DGUOK: variants seen among roughly 807,000 people sequenced by gnomAD.
DGUOK encodes the protein deoxyguanosine kinase, mitochondrial.
In DGUOK, 30 loss-of-function variants were observed where a neutral mutation model predicts 36.6. That is an observed-to-expected ratio of 0.82 (90% confidence interval 0.61 to 1.11). DGUOK has a LOEUF of 1.11. DGUOK is among the 50% of genes most tolerant of loss of function. DGUOK has a pLI of 0.00. For synonymous variants in DGUOK, 145 were observed against 126.3 expected (o/e 1.15, Z -0.99); for missense variants, 361 against 336.4 (o/e 1.07, Z -0.57).
rs866403196 is a variant in DGUOK at position 73,957,238 on chromosome 2, G to C, written c.705G>C (p.Thr235=). 6.2e-7 allele frequency: 1 copy of C among 1,612,092 alleles called. No individual in the cohort carries two copies. Among genetic ancestry groups the C allele is most frequent in the South Asian group, 1.1e-5 (1 of 90,990 alleles). Residue 235 remains threonine, a splice_region_variant and synonymous_variant, in exon 5 of 7, where the codon ACG becomes ACC. Coordinates refer to ENST00000264093, the MANE Select transcript of DGUOK (RefSeq NM_080916.3). ...QHEAWLIHKT[T]KLHFEALMNI... is the part of the protein sequence containing the mutation. ...AAGCCTGGCTTATTCACAAGACAAC[G>C]AAGTAAGTGGGGAGAAAAGAATGTA... is the stretch of plus-strand genomic sequence containing the variant.
At chr2:73,953,890 T>C (rs944850631) in intron 4 of DGUOK, among the ~76,000 whole-genome samples, 1 of 151,972 alleles carries the variant, frequency 6.6e-6, no homozygotes, top group Non-Finnish European at 1.5e-5. Flanking sequence ...GGCTAATTTT[T>C]TTTTGTATTT....
At chr2:73,930,058 A>G (rs540839736) in intron 1 of DGUOK, among the ~76,000 whole-genome samples, 19 of 152,382 alleles carry the variant, frequency 1.2e-4, no homozygotes, top group South Asian at 2.1e-4. Context: ...AATGGAATCT[A>G]TTGCCCAGTG....
chr2:73,954,598 C>T (rs1040741515), intron 4 of DGUOK, among the ~76,000 whole-genome samples: 9 of 152,154 alleles, frequency 5.9e-5, no homozygotes, highest in Middle Eastern at 3.4e-3. Flanking sequence ...CCCATGGAAT[C>T]AAGAGAGTGC....
intron 4 of DGUOK, among the ~76,000 whole-genome samples, chr2:73,954,924 T>TA (rs1682977665): frequency 1.3e-5 from 2 of 152,330 alleles, no homozygotes; most frequent in Non-Finnish European, 2.9e-5. Flanking sequence ...GGGGTCAGAC[T>TA]AAAGCACTGT....
At chr2:73,944,112 G>A (rs993550685) in intron 2 of DGUOK, among the ~76,000 whole-genome samples, 5 of 152,096 alleles carry the variant, frequency 3.3e-5, no homozygotes, top group Non-Finnish European at 7.4e-5. Flanking sequence ...TGAACTCCTG[G>A]GTTCAAGCAA....
chr2:73,946,599 TTTC>T, intron 2 of DGUOK, 117 bp from the exon 3 acceptor site: 1 of 927,840 alleles, frequency 1.1e-6, no homozygotes, highest in South Asian at 1.4e-5. Flanking sequence ...ACTTTTGTAA[TTTC>T]TTCTTTCATT....
chr2:73,937,065 A>C (rs958317641), intron 1 of DGUOK, among the ~76,000 whole-genome samples: 2 of 152,208 alleles, frequency 1.3e-5, no homozygotes, highest in African/African-American at 4.8e-5. Context: ...GTCCTGCAGG[A>C]GGGTAGGCTA....
intron 2 of DGUOK, among the ~76,000 whole-genome samples, chr2:73,939,792 C>CT (rs2104911060): frequency 6.6e-6 from 1 of 152,308 alleles, no homozygotes; most frequent in African/African-American, 2.4e-5. Flanking sequence ...CCCTGTGACT[C>CT]TGACTCATTG....
intron 2 of DGUOK, among the ~76,000 whole-genome samples, chr2:73,941,909 C>CTT (rs11342540): frequency 5.6e-5 from 8 of 142,510 alleles, no homozygotes; most frequent in African/African-American, 1.9e-4. Flanking sequence ...TTGTCATTTT[C>CTT]TTTTTTTTTT....
At chr2:73,955,657 G>A (rs146689777) in intron 4 of DGUOK, among the ~76,000 whole-genome samples, 1,630 of 152,166 alleles carry the variant, frequency 0.011, 8 homozygotes, top group Non-Finnish European at 0.016. Flanking sequence ...GGCAGATCAC[G>A]ATGCCAAGAG....
chr2:73,928,914 A>G (rs1341733214), intron 1 of DGUOK, among the ~76,000 whole-genome samples: 1 of 152,172 alleles, frequency 6.6e-6, no homozygotes, highest in South Asian at 2.1e-4. Flanking sequence ...TTTAAGTAAA[A>G]TTTAACAGTG....
intron 4 of DGUOK, 132 bp downstream of exon 4, chr2:73,950,864 G>A: frequency 8.1e-7 from 1 of 1,231,382 alleles, no homozygotes; most frequent in African/African-American, 1.5e-5. Flanking sequence ...AGCAGTGGGG[G>A]ACACCCTCCT....
At chr2:73,933,914 T>A (rs1169021405) in intron 1 of DGUOK, among the ~76,000 whole-genome samples, 3 of 152,172 alleles carry the variant, frequency 2.0e-5, no homozygotes, top group East Asian at 3.8e-4. Flanking sequence ...AGACTTCAAT[T>A]TTTTTTGGAA....
intron 4 of DGUOK, among the ~76,000 whole-genome samples, chr2:73,955,916 G>C (rs1340909877): frequency 6.6e-6 from 1 of 152,168 alleles, no homozygotes; most frequent in Non-Finnish European, 1.5e-5. Flanking sequence ...TAATCCATCT[G>C]TTCTTCCAGG....
intron 1 of DGUOK, chr2:73,932,478 C>T (rs1259839853): frequency 2.4e-5 from 12 of 506,288 alleles, no homozygotes; most frequent in Non-Finnish European, 4.1e-5. Flanking sequence ...GTACTCAGTA[C>T]TGACCAGATT....
rs368787389 is a variant in DGUOK at position 73,933,788 on chromosome 2, C to T, written c.143-5122C>T. Among the ~76,000 whole-genome samples the T allele has an allele frequency of 5.9e-5, 9 of 152,098 alleles. No homozygotes were observed. The East Asian group carries it at 1.3e-3, about 23-fold the overall frequency. On this transcript the variant is annotated intron_variant, in intron 1 of 6. Transcript: ENST00000264093. ...GGAATATAACTTGAGGGCAAGCTCT[C>T]AGCCTAGATCATCATTTCAGTTATA...
At chr2:73,931,167 G>A (rs1217826216) in intron 1 of DGUOK, among the ~76,000 whole-genome samples, 1 of 152,224 alleles carries the variant, frequency 6.6e-6, no homozygotes, top group Non-Finnish European at 1.5e-5. Context: ...CTCTGGGGTA[G>A]GAATTCCCAA....
At chr2:73,955,408 T>C (rs913047284) in intron 4 of DGUOK, among the ~76,000 whole-genome samples, 7 of 152,226 alleles carry the variant, frequency 4.6e-5, no homozygotes, top group Non-Finnish European at 7.3e-5. Context: ...TCTGGCAGTA[T>C]ATAATTGCAA....
chr2:73,955,837 G>A (rs191990633), intron 4 of DGUOK, among the ~76,000 whole-genome samples: 3 of 152,196 alleles, frequency 2.0e-5, no homozygotes, highest in Admixed American at 6.5e-5. Flanking sequence ...TCGCGCCACT[G>A]CACTCCAGCC....
Sources: gnomAD v4.1 joint callset for allele counts (sites outside exome capture counted in the v4.1 genomes callset) on GRCh38, gnomAD v4.1.1 for gene constraint, MANE v1.5 for transcripts, NCBI Gene and HGNC (gene_info 2026-07-23, HGNC 2026-07-21) for gene names.